CNTN5: variants seen among roughly 807,000 people sequenced by gnomAD.
CNTN5 encodes contactin-5.
A neutral mutation model predicts 129.1 loss-of-function variants in CNTN5; 77 were observed. That is an observed-to-expected ratio of 0.60 (90% CI 0.50 to 0.72). The LOEUF is 0.72. Among genes scored for constraint, CNTN5 ranks in the 30% least tolerant of loss-of-function variants. The pLI, the probability that CNTN5 is intolerant of heterozygous loss-of-function variation, is 0.00. For missense variants in CNTN5, 1,478 were observed against 1,328.8 expected (o/e 1.11, Z -1.75); for synonymous variants, 509 against 465.6 (o/e 1.09, Z -1.20).
At chr11:100,209,167 A>T (rs1042807023) in intron 15 of CNTN5, among the ~76,000 whole-genome samples, 2 of 152,218 alleles carry the variant, frequency 1.3e-5, no homozygotes, top group African/African-American at 4.8e-5. Context: ...TTACTGTAGC[A>T]ATCTACCACA....
intron 1 of CNTN5, among the ~76,000 whole-genome samples, chr11:99,091,009 G>A: frequency 8.8e-6 from 1 of 114,244 alleles, no homozygotes; most frequent in East Asian, 2.9e-4. Context: ...GCGACAGAGC[G>A]AGACTCCGTC....
chr11:99,782,373 A>G (rs1470271305), intron 3 of CNTN5, among the ~76,000 whole-genome samples: 45 of 145,290 alleles, frequency 3.1e-4, no homozygotes, highest in Admixed American at 5.5e-4. Context: ...GGGTAGGAAG[A>G]ATCAATATCG....
intron 3 of CNTN5, among the ~76,000 whole-genome samples, chr11:99,585,488 G>T (rs1225754879): frequency 6.6e-6 from 1 of 151,854 alleles, no homozygotes; most frequent in Non-Finnish European, 1.5e-5. Flanking sequence ...GAAAAATATG[G>T]TTATTTAAAA....
intron 1 of CNTN5, among the ~76,000 whole-genome samples, chr11:99,313,681 C>T (rs1865213392): frequency 6.6e-6 from 1 of 152,076 alleles, no homozygotes; most frequent in African/African-American, 2.4e-5. Flanking sequence ...AGGATTAATT[C>T]ACATAAAATT....
In CNTN5 at chr11:99,678,967, C is replaced by CTA. The variant is rs889322330; in HGVS notation, c.55+122711_55+122712dup. ...TATCTGCTATTCACTCTCTCTCTCT[C>CTA]TATATATATATATAAAATTCCATAA... On this transcript the variant is annotated intron_variant, in intron 3 of 24. Coordinates refer to ENST00000524871, the MANE Select transcript of CNTN5 (RefSeq NM_014361.4). 5.1e-3 allele frequency among the ~76,000 whole-genome samples: 735 copies of CTA among 144,446 alleles called. 6 individuals are homozygous for CTA. The highest frequency in any genetic ancestry group is 0.018 in the African/African-American group (697 of 38,998). 94.8% of individuals were successfully genotyped at this position (144,446 alleles called of 152,430 possible).
At chr11:100,295,514 A>G (rs917696334) in intron 18 of CNTN5, among the ~76,000 whole-genome samples, 1 of 151,462 alleles carries the variant, frequency 6.6e-6, no homozygotes, top group African/African-American at 2.4e-5. Context: ...TTTTAAAAAT[A>G]AAAGTATCAA....
At chr11:100,141,079 G>C (rs1946685471) in intron 13 of CNTN5, among the ~76,000 whole-genome samples, 1 of 152,086 alleles carries the variant, frequency 6.6e-6, no homozygotes, top group Non-Finnish European at 1.5e-5. Flanking sequence ...TTGAAAGTTT[G>C]CAAATATGAC....
intron 13 of CNTN5, among the ~76,000 whole-genome samples, chr11:100,148,336 C>T (rs1437231511): frequency 1.3e-5 from 2 of 152,272 alleles, no homozygotes; most frequent in East Asian, 3.9e-4. Flanking sequence ...AGGAGAGTTG[C>T]TCTCAGGGCT....
chr11:99,110,317 G>A (rs1857728996), intron 1 of CNTN5, among the ~76,000 whole-genome samples: 1 of 152,162 alleles, frequency 6.6e-6, no homozygotes, highest in South Asian at 2.1e-4. Context: ...GGACTGGGGA[G>A]TGGTGAAAAG....
At chr11:99,849,519 A>T (rs897463176) in intron 6 of CNTN5, among the ~76,000 whole-genome samples, 1 of 152,116 alleles carries the variant, frequency 6.6e-6, no homozygotes, top group Non-Finnish European at 1.5e-5. Context: ...GCATAGATTT[A>T]CCTGCTTTTC....
At chr11:99,944,900 T>C (rs7125854) in intron 7 of CNTN5, among the ~76,000 whole-genome samples, 26,694 of 152,014 alleles carry the variant, frequency 0.18, 2,657 homozygotes, top group African/African-American at 0.26. Flanking sequence ...CTTAAAACCT[T>C]CTTTGAGGCA....
intron 7 of CNTN5, among the ~76,000 whole-genome samples, chr11:99,947,646 AAATG>A (rs1350784055): frequency 6.6e-6 from 1 of 152,188 alleles, no homozygotes; most frequent in Non-Finnish European, 1.5e-5. Flanking sequence ...CCTATGTGAT[AAATG>A]AAGCCCAAAA....
chr11:100,158,123 G>A (rs1440793514), intron 13 of CNTN5, among the ~76,000 whole-genome samples: 1 of 151,702 alleles, frequency 6.6e-6, no homozygotes, highest in African/African-American at 2.4e-5. Flanking sequence ...TTCTTCAAGT[G>A]CCAAGACAAA....
intron 1 of CNTN5, among the ~76,000 whole-genome samples, chr11:99,164,799 ATG>A (rs1168903202): frequency 6.6e-6 from 1 of 152,168 alleles, no homozygotes; most frequent in African/African-American, 2.4e-5. Flanking sequence ...ATGTGTGTGC[ATG>A]TGTGTGTGAA....
At chr11:99,934,182 T>G (rs891405354) in intron 7 of CNTN5, among the ~76,000 whole-genome samples, 9 of 152,208 alleles carry the variant, frequency 5.9e-5, no homozygotes, top group African/African-American at 2.2e-4. Context: ...TCTTTCCATT[T>G]CTGTCTGAAG....
At chr11:99,210,836 A>G (rs1300692506) in intron 1 of CNTN5, among the ~76,000 whole-genome samples, 2 of 148,862 alleles carry the variant, frequency 1.3e-5, no homozygotes, top group African/African-American at 5.0e-5. Context: ...CCTTGATCAT[A>G]TGCTCTAGAA....
intron 3 of CNTN5, among the ~76,000 whole-genome samples, chr11:99,700,579 G>C (rs1205883312): frequency 6.6e-6 from 1 of 151,278 alleles, no homozygotes; most frequent in Non-Finnish European, 1.5e-5. Flanking sequence ...AGTACTTAGT[G>C]ACCTTGTTTA....
chr11:100,245,525 G>C (rs1949823415), intron 16 of CNTN5, among the ~76,000 whole-genome samples: 1 of 152,036 alleles, frequency 6.6e-6, no homozygotes, highest in Non-Finnish European at 1.5e-5. Context: ...GAGGGGTTAA[G>C]TCCTTATACC....
chr11:99,907,649 T>C (rs1341651820), intron 6 of CNTN5, among the ~76,000 whole-genome samples: 1 of 151,818 alleles, frequency 6.6e-6, no homozygotes. Context: ...TGTAATTAAT[T>C]ATGATGTGAA....
Sources: allele counts gnomAD v4.1 joint callset (sites outside exome capture counted in the v4.1 genomes callset), GRCh38; gene constraint gnomAD v4.1.1; transcripts MANE v1.5; gene names NCBI Gene and HGNC (gene_info 2026-07-23, HGNC 2026-07-21).